ANKRD13C: variants seen among roughly 807,000 people sequenced by gnomAD.
The protein encoded by ANKRD13C is ankyrin repeat domain-containing protein 13C.
A neutral mutation model predicts 65.5 loss-of-function variants in ANKRD13C; 16 were observed. The ratio of observed to expected loss-of-function variants is 0.24; its 90% CI spans 0.17 to 0.37. The LOEUF (loss-of-function observed/expected upper bound fraction) is 0.37. ANKRD13C is among the 10% of genes least tolerant of loss of function. ANKRD13C has a pLI of 1.00. For synonymous variants in ANKRD13C, 235 were observed against 238.7 expected, an observed-to-expected ratio of 0.98 and a Z score of 0.14; for missense variants, 503 against 655.9, an observed-to-expected ratio of 0.77 and a Z score of 2.55.
At position 70,297,868 on chromosome 1, in the gene ANKRD13C, A is replaced by C. The variant is rs192123250; in HGVS notation, c.922-1607T>G. Among the ~76,000 whole-genome samples, 525 of 150,098 alleles carry C rather than the reference A, an allele frequency of 3.5e-3. 5 individuals are homozygous for C. The highest frequency in any genetic ancestry group is 0.012 in the African/African-American group (489 of 41,070). ...GTGGAGGTTGCGGTGAGCTGAGATC[A>C]ATCACGCCACTGCACTCCAGCCTGG... On this transcript the variant is annotated intron_variant, in intron 7 of 12. Coordinates refer to ENST00000370944, the MANE Select transcript of ANKRD13C (RefSeq NM_030816.5).
chr1:70,354,662 G>A lies in ANKRD13C; in HGVS notation c.-254C>T. The A allele has an allele frequency of 1.1e-6, 1 of 895,234 alleles. No homozygotes were observed. The highest frequency in any genetic ancestry group is 1.6e-6 in the Non-Finnish European group (1 of 608,948). 55.5% of individuals were successfully genotyped at this position (895,234 alleles called of 1,614,324 possible). ...ACGACACCAGGATCTCAGTCTCGCC[G>A]TCGCAGCCGCCGTCGCTGCCTTACA... On this transcript the variant is annotated 5_prime_UTR_variant, in exon 1 of 13. In the 5' UTR this introduces an upstream ATG that the reference lacks. Coordinates refer to ENST00000370944, the MANE Select transcript of ANKRD13C (RefSeq NM_030816.5).
rs1459094078 is a variant in ANKRD13C, at chr1:70,259,090, A to G, written c.*3627T>C. 6.6e-6 allele frequency among the ~76,000 whole-genome samples: 1 copy of G among 152,170 alleles called. No homozygotes were observed. Among genetic ancestry groups the G allele is most frequent in the African/African-American group, 2.4e-5 (1 of 41,456 alleles). On this transcript the variant is annotated 3_prime_UTR_variant, in exon 13 of 13. Transcript: ENST00000370944. ...TGTAAGTACACCCAATATGGTTCTCACAATGACAAAATCACCTGATGCATT... is the reference window on the plus strand; with the variant it reads ...TGTAAGTACACCCAATATGGTTCTCGCAATGACAAAATCACCTGATGCATT...
At chr1:70,326,123 C>A (rs1268706285) in intron 2 of ANKRD13C, among the ~76,000 whole-genome samples, 1 of 140,498 alleles carries the variant, frequency 7.1e-6, no homozygotes, top group South Asian at 2.3e-4. Flanking sequence ...CCCAGCTACT[C>A]GGGAAACTGA....
chr1:70,286,149 C>A lies in ANKRD13C; in HGVS notation c.1215+6239G>T, dbSNP rs111243609. Among the ~76,000 whole-genome samples, 4 of 152,224 alleles carry A rather than the reference C, an allele frequency of 2.6e-5. 1 individual carries two copies. Among genetic ancestry groups the A allele is most frequent in the African/African-American group, 4.8e-5 (2 of 41,538 alleles). ...TATCAATTCTATTTTGTTGTTCTTG[C>A]ATCCTATACCTTACCTAATTAAACC... On this transcript the variant is annotated intron_variant, in intron 9 of 12. Transcript: ENST00000370944.
intron 11 of ANKRD13C, among the ~76,000 whole-genome samples, chr1:70,273,332 A>G (rs564657485): frequency 7.9e-5 from 12 of 152,342 alleles, no homozygotes; most frequent in African/African-American, 2.6e-4. Context: ...AACTAGTAAG[A>G]GAAAATCGCC....
At chr1:70,294,732 C>T (rs1020118020) in intron 8 of ANKRD13C, among the ~76,000 whole-genome samples, 18 of 151,396 alleles carry the variant, frequency 1.2e-4, no homozygotes, top group African/African-American at 2.7e-4. Flanking sequence ...CTCAAGTAAT[C>T]GTCTCACCTC....
At chr1:70,322,650 A>G (rs1025102675) in intron 3 of ANKRD13C, among the ~76,000 whole-genome samples, 1 of 152,186 alleles carries the variant, frequency 6.6e-6, no homozygotes, top group Non-Finnish European at 1.5e-5. Context: ...ACATCTTAAT[A>G]CACACACATG....
At chr1:70,330,574 C>CAAAA (rs71071394) in intron 2 of ANKRD13C, among the ~76,000 whole-genome samples, 59 of 68,304 alleles carry the variant, frequency 8.6e-4, no homozygotes, top group African/African-American at 1.5e-3. Flanking sequence ...ACAAACAAAC[C>CAAAA]AAAAAAAAAA....
intron 11 of ANKRD13C, among the ~76,000 whole-genome samples, chr1:70,273,200 G>A (rs1678971239): frequency 6.6e-6 from 1 of 151,954 alleles, no homozygotes; most frequent in African/African-American, 2.4e-5. Context: ...TATGGGTAAA[G>A]CTCAGGTATG....
rs532702254 is a variant in ANKRD13C, at chr1:70,322,325, CAATT to C, written c.577+2524_577+2527del. On this transcript the variant is annotated intron_variant, in intron 3 of 12. Transcript: ENST00000370944. ...TTTCTAATAAACCGTAAGAGATATTCAATTAATTATCCTTTAAGTTAGCAGTTAA... is the reference window on the plus strand; with the variant it reads ...TTTCTAATAAACCGTAAGAGATATTCAATTATCCTTTAAGTTAGCAGTTAA... Among the ~76,000 whole-genome samples, 6 of 152,156 alleles carry C rather than the reference CAATT, an allele frequency of 3.9e-5. No individual in the cohort carries two copies. In the East Asian group the frequency reaches 1.2e-3, roughly 29 times the overall value.
intron 4 of ANKRD13C, among the ~76,000 whole-genome samples, chr1:70,314,628 T>C (rs1052079077): frequency 4.6e-5 from 7 of 151,914 alleles, no homozygotes; most frequent in African/African-American, 1.7e-4. Flanking sequence ...TATAGCAACA[T>C]CAACAAGTTA....
At chr1:70,320,360 A>C (rs1214392273) in intron 3 of ANKRD13C, among the ~76,000 whole-genome samples, 1 of 151,624 alleles carries the variant, frequency 6.6e-6, no homozygotes, top group East Asian at 1.9e-4. Flanking sequence ...ACAGGGTCTC[A>C]CTTTGTCCCA....
chr1:70,265,812 C>T (rs1344340961), intron 12 of ANKRD13C, among the ~76,000 whole-genome samples: 9 of 99,904 alleles, frequency 9.0e-5, no homozygotes, highest in African/African-American at 3.6e-4. Context: ...GCAACAGTGT[C>T]AGACCTTGCC....
chr1:70,285,280 C>A (rs554761126), intron 9 of ANKRD13C, among the ~76,000 whole-genome samples: 2 of 149,524 alleles, frequency 1.3e-5, no homozygotes, highest in East Asian at 4.0e-4. Context: ...GCCACCTCTG[C>A]CCCCTGGGTT....
Position 70,274,774 on chromosome 1 carries a change from T to C in ANKRD13C, c.1340A>G (p.Lys447Arg). ...GRELVCKESK[K>R]TFKATIAMSQ... ...CATGGCTATCGTAGCTTTAAACGTT[T>C]TCTTACTCTCTTTGCACACCAATTC... The change falls in exon 11 of 13, where the codon AAA becomes AGA. Residue 447 changes from lysine (K) to arginine (R), a missense_variant. By Grantham distance (26) the Lys-to-Arg change is conservative. Around this residue, in one of 2 missense-constraint regions of ANKRD13C, gnomAD observed 300 missense variants for 478.3 expected, o/e 0.63. Coordinates refer to ENST00000370944, the MANE Select transcript of ANKRD13C (RefSeq NM_030816.5). 9.9e-6 allele frequency: 16 copies of C among 1,614,014 alleles called. No homozygotes were observed. The highest frequency in any genetic ancestry group is 1.4e-5 in the Non-Finnish European group (16 of 1,179,930).
At chr1:70,323,776 G>A (rs763907182) in intron 3 of ANKRD13C, among the ~76,000 whole-genome samples, 13 of 150,176 alleles carry the variant, frequency 8.7e-5, no homozygotes, top group Non-Finnish European at 1.6e-4. Context: ...CCGGGCTGGA[G>A]TGCAATGGTG....
chr1:70,292,913 C>T lies in ANKRD13C; in HGVS notation c.1054-364G>A, dbSNP rs115961452. ...CTATTAAGCTGGCAGTCAAATATCA[C>T]GAGTAACAAGGAGGGGTCAGGGATA... On this transcript the variant is annotated intron_variant, in intron 8 of 12. Coordinates refer to ENST00000370944, the MANE Select transcript of ANKRD13C (RefSeq NM_030816.5). 3.7e-3 allele frequency among the ~76,000 whole-genome samples: 570 copies of T among 152,140 alleles called. 3 individuals carry two copies. Among genetic ancestry groups the T allele is most frequent in the African/African-American group, 0.013 (522 of 41,500 alleles).
intron 2 of ANKRD13C, among the ~76,000 whole-genome samples, chr1:70,325,952 C>T (rs1348328760): frequency 1.3e-5 from 2 of 151,984 alleles, no homozygotes; most frequent in Non-Finnish European, 2.9e-5. Flanking sequence ...GAGGCCCACG[C>T]CGGGCACAGT....
At chr1:70,305,254 A>C (rs1394676774) in intron 6 of ANKRD13C, among the ~76,000 whole-genome samples, 1 of 152,208 alleles carries the variant, frequency 6.6e-6, no homozygotes, top group East Asian at 1.9e-4. Context: ...ATTTCTCAGA[A>C]ATAGCTGATT....
Sources: allele counts gnomAD v4.1 joint callset (sites outside exome capture counted in the v4.1 genomes callset), GRCh38; gene constraint gnomAD v4.1.1; regional missense constraint gnomAD v4.1.1; transcripts MANE v1.5; gene names NCBI Gene and HGNC (gene_info 2026-07-23, HGNC 2026-07-21).